Variants in PGBD5 observed in about 807,000 individuals in gnomAD.
The protein encoded by PGBD5 is piggyBac transposable element derived 5.
In PGBD5, 14 loss-of-function variants were observed where a neutral mutation model predicts 47.9. That is an observed-to-expected ratio of 0.29 (90% CI 0.19 to 0.46). The LOEUF is 0.46. Ranked by LOEUF, PGBD5 falls within the 20% of genes least tolerant of loss-of-function variation. The pLI is 1.00. For missense variants in PGBD5, 635 were observed against 716.0 expected, an observed-to-expected ratio of 0.89 and a Z score of 1.29; for synonymous variants, 316 against 306.3, an observed-to-expected ratio of 1.03 and a Z score of -0.33.
intron 1 of PGBD5, among the ~76,000 whole-genome samples, chr1:230,423,198 T>A (rs1470513337): frequency 6.6e-6 from 1 of 152,188 alleles, no homozygotes; most frequent in African/African-American, 2.4e-5. Flanking sequence ...CTCGATTCTG[T>A]GCTTTCCTCA....
chr1:230,424,904 G>A (rs1657738213), intron 1 of PGBD5, among the ~76,000 whole-genome samples: 1 of 152,226 alleles, frequency 6.6e-6, no homozygotes, highest in African/African-American at 2.4e-5. Flanking sequence ...CCTTCTCCAG[G>A]TATTCGGGGC....
intron 3 of PGBD5, among the ~76,000 whole-genome samples, chr1:230,340,996 C>T (rs1194096502): frequency 1.3e-5 from 2 of 152,052 alleles, no homozygotes; most frequent in Non-Finnish European, 2.9e-5. Context: ...GCTAAAGGCA[C>T]TGAGCCAGAG....
chr1:230,413,765 T>C (rs1376172665), intron 1 of PGBD5, among the ~76,000 whole-genome samples: 1 of 152,128 alleles, frequency 6.6e-6, no homozygotes, highest in Non-Finnish European at 1.5e-5. Flanking sequence ...TCAGCACCTC[T>C]TACGCTGCAT....
At position 230,383,307 on chromosome 1, in the gene PGBD5, C is replaced by T. The variant is rs574430359; in HGVS notation, c.332-25986G>A. On this transcript the variant is annotated intron_variant, in intron 1 of 6. Transcript: ENST00000391860. The stretch of plus-strand genomic sequence containing the variant: ...AGGGCTGGTCTCGAACTACCGAGCT[C>T]AAGCAATCCACCCACCTCAGCTTCC... 7.4e-4 allele frequency among the ~76,000 whole-genome samples: 113 copies of T among 151,834 alleles called. 1 individual carries two copies. The highest frequency in any genetic ancestry group is 1.5e-3 in the Non-Finnish European group (103 of 67,930).
rs771981074 is a variant in PGBD5 at position 230,357,363 on chromosome 1, C to T, written c.332-42G>A. 6 of 1,585,124 alleles carry T rather than the reference C, an allele frequency of 3.8e-6. No homozygotes were observed. The highest frequency in any genetic ancestry group is 4.3e-6 in the Non-Finnish European group (5 of 1,161,692). On this transcript the variant is annotated intron_variant, in intron 1 of 6. Coordinates refer to ENST00000391860, the MANE Select transcript of PGBD5 (RefSeq NM_001258311.2). This position sits in a 1 kb window ranked among gnomAD's most constrained non-coding sequence, Gnocchi z 5.7. ...GGTGGAGTGTTCCTTAGGACGGCCG[C>T]CACACCCTGACTCGACACGAGAACG...
chr1:230,417,966 C>G (rs997390397), intron 1 of PGBD5, among the ~76,000 whole-genome samples: 3 of 152,206 alleles, frequency 2.0e-5, no homozygotes, highest in African/African-American at 7.2e-5. Context: ...CTTTTGCCCC[C>G]CCAGGGGACA....
intron 1 of PGBD5, among the ~76,000 whole-genome samples, chr1:230,398,148 C>T (rs75432778): frequency 0.014 from 2,144 of 152,322 alleles, 61 homozygotes; most frequent in African/African-American, 0.049. Flanking sequence ...TCCAGCCTCC[C>T]TGCCTTGCTT....
At chr1:230,377,821 G>A (rs984610662) in intron 1 of PGBD5, among the ~76,000 whole-genome samples, 1 of 152,192 alleles carries the variant, frequency 6.6e-6, no homozygotes, top group African/African-American at 2.4e-5. Context: ...TATGAATGCC[G>A]TCTGATGCAA....
At chr1:230,420,371 A>T (rs1657619991) in intron 1 of PGBD5, among the ~76,000 whole-genome samples, 1 of 152,234 alleles carries the variant, frequency 6.6e-6, no homozygotes, top group Non-Finnish European at 1.5e-5. Context: ...TGAAGCACAT[A>T]TTCTGTATGT....
At chr1:230,383,365 G>A (rs910822064) in intron 1 of PGBD5, among the ~76,000 whole-genome samples, 2 of 150,832 alleles carry the variant, frequency 1.3e-5, no homozygotes, top group East Asian at 3.9e-4. Flanking sequence ...ACCATGCCCA[G>A]CATTTTTTTT....
chr1:230,395,431 C>CG (rs1656917382), intron 1 of PGBD5, among the ~76,000 whole-genome samples: 1 of 24,740 alleles, frequency 4.0e-5, no homozygotes, highest in African/African-American at 2.1e-4. Flanking sequence ...CCCCTCCTCT[C>CG]CTCCCACTCC....
In PGBD5 at chr1:230,411,055, CTGTT is replaced by C. The variant is rs373299236; in HGVS notation, c.331+14539_331+14542del. Among the ~76,000 whole-genome samples the C allele has an allele frequency of 1.2e-3, 189 of 152,114 alleles. 1 individual carries two copies. The highest frequency in any genetic ancestry group is 4.3e-3 in the African/African-American group (179 of 41,500). On this transcript the variant is annotated intron_variant, in intron 1 of 6. Transcript: ENST00000391860. ...ACTTTGGGAGGCTGAAGTGGGAAGA[CTGTT>C]TGTGCCCAGGAGCTCAAGACCAGCC...
intron 1 of PGBD5, among the ~76,000 whole-genome samples, chr1:230,363,339 T>C (rs1023511025): frequency 6.6e-6 from 1 of 152,094 alleles, no homozygotes. Flanking sequence ...CCCAGTACTT[T>C]AGGAGGCCGA....
At chr1:230,416,696 A>G (rs1657522492) in intron 1 of PGBD5, among the ~76,000 whole-genome samples, 1 of 152,222 alleles carries the variant, frequency 6.6e-6, no homozygotes, top group Non-Finnish European at 1.5e-5. Flanking sequence ...CGCGTGCTAC[A>G]AGGTGACAAT....
Position 230,384,201 on chromosome 1 carries a change from G to A in PGBD5, c.332-26880C>T, listed in dbSNP as rs146460763. Among the ~76,000 whole-genome samples, 6 of 152,276 alleles carry A rather than the reference G, an allele frequency of 3.9e-5. No homozygotes were observed. In the East Asian group the frequency reaches 7.7e-4, roughly 20 times the overall value. ...GTTACATTTAAAAGTACTACTGAACGTCATGTTAACAAAAACAACAAACAG... is the reference window on the plus strand; with the variant it reads ...GTTACATTTAAAAGTACTACTGAACATCATGTTAACAAAAACAACAAACAG... On this transcript the variant is annotated intron_variant, in intron 1 of 6. Transcript: ENST00000391860.
At chr1:230,415,266 CTCTG>C (rs1657489675) in intron 1 of PGBD5, among the ~76,000 whole-genome samples, 1 of 130,028 alleles carries the variant, frequency 7.7e-6, no homozygotes, top group African/African-American at 2.6e-5. Context: ...CAGAACGAGA[CTCTG>C]TCTAAAAAAA....
intron 3 of PGBD5, 136 bp from the exon 4 acceptor site, chr1:230,337,424 A>G: frequency 1.1e-6 from 1 of 903,412 alleles, no homozygotes; most frequent in Non-Finnish European, 1.6e-6. Context: ...TCATCTTTTC[A>G]GCTCACAGGG....
At position 230,425,630 on chromosome 1, in the gene PGBD5, T is replaced by C. The variant is rs1315329527; in HGVS notation, c.299A>G (p.Asp100Gly). ...ATCCTCGAAGCGCGGGGGCGGGCGGTCCCGCAGCGCTGCGCTCCAGCCCGC... is the reference window on the plus strand; with the variant it reads ...ATCCTCGAAGCGCGGGGGCGGGCGGCCCCGCAGCGCTGCGCTCCAGCCCGC... ...AGAGWSAALR[D>G]RPPPRFEDTG... Residue 100 changes from aspartate (D) to glycine (G), a missense_variant, in exon 1 of 7, where the codon GAC (aspartate) becomes GGC (glycine). By Grantham distance (94) the Asp-to-Gly change is moderately conservative. Transcript: ENST00000391860. This position sits in a 1 kb window ranked among gnomAD's most constrained non-coding sequence, Gnocchi z 4.7. The C allele has an allele frequency of 7.4e-6, 9 of 1,219,280 alleles. No homozygotes were observed. The East Asian group carries it at 2.9e-4, about 40-fold the overall frequency. The allele number at this position is 1,219,280 out of a possible 1,614,324, so 75.5% of individuals were successfully genotyped here.
At chr1:230,352,308 A>G (rs1210682155) in intron 2 of PGBD5, among the ~76,000 whole-genome samples, 1 of 152,200 alleles carries the variant, frequency 6.6e-6, no homozygotes, top group East Asian at 1.9e-4. Flanking sequence ...AGTTTGAACA[A>G]ATCAGTCACC....
Sources: gnomAD v4.1 joint callset for allele counts (sites outside exome capture counted in the v4.1 genomes callset) on GRCh38, gnomAD v4.1.1 for gene constraint, Gnocchi (gnomAD v3.1) non-coding constraint, MANE v1.5 for transcripts, NCBI Gene and HGNC (gene_info 2026-07-23, HGNC 2026-07-21) for gene names.